PTPRQ: variants seen among roughly 807,000 people sequenced by gnomAD.
PTPRQ encodes the protein phosphatidylinositol phosphatase PTPRQ.
Under a neutral mutation model 246.0 loss-of-function variants are expected in PTPRQ, and 199 were observed. The observed-to-expected ratio is 0.81, with a 90% CI of 0.72 to 0.91. PTPRQ has a LOEUF of 0.91. Among genes scored for constraint, PTPRQ ranks in the 40% least tolerant of loss-of-function variants. The probability of loss-of-function intolerance (pLI) is 0.00; values close to 1 mark genes in which losing one functional copy is unlikely to be tolerated. For missense variants in PTPRQ, 2,624 were observed against 2,528.4 expected, an observed-to-expected ratio of 1.04 and a Z score of -0.81; for synonymous variants, 869 against 853.2, an observed-to-expected ratio of 1.02 and a Z score of -0.32.
intron 9 of PTPRQ, among the ~76,000 whole-genome samples, chr12:80,489,775 TA>T (rs1477589270): frequency 1.3e-5 from 2 of 151,968 alleles, no homozygotes; most frequent in East Asian, 1.9e-4. Context: ...GACTGAAGTC[TA>T]AAAAACCCTG....
intron 42 of PTPRQ, among the ~76,000 whole-genome samples, chr12:80,672,066 A>G (rs1336664299): frequency 2.0e-5 from 3 of 151,958 alleles, no homozygotes; most frequent in Non-Finnish European, 2.9e-5. Flanking sequence ...TATCAGAGAA[A>G]TTTTGTCTGC....
intron 16 of PTPRQ, among the ~76,000 whole-genome samples, chr12:80,508,113 A>T (rs1895019209): frequency 6.6e-6 from 1 of 151,978 alleles, no homozygotes; most frequent in African/African-American, 2.4e-5. Flanking sequence ...CTGGGCTGTT[A>T]AAAATATGCT....
chr12:80,675,103 T>C (rs563173496), intron 43 of PTPRQ, among the ~76,000 whole-genome samples: 4 of 152,252 alleles, frequency 2.6e-5, no homozygotes, highest in African/African-American at 9.6e-5. Flanking sequence ...GAGTTAAATG[T>C]CACCCTTCCC....
At chr12:80,489,970 G>C (rs1894393942) in intron 9 of PTPRQ, among the ~76,000 whole-genome samples, 1 of 145,160 alleles carries the variant, frequency 6.9e-6, no homozygotes, top group African/African-American at 2.5e-5. Flanking sequence ...ATCAACGTTT[G>C]TCACTGGTGA....
intron 35 of PTPRQ, among the ~76,000 whole-genome samples, chr12:80,639,460 A>C (rs1230079255): frequency 6.6e-6 from 1 of 152,130 alleles, no homozygotes; most frequent in Non-Finnish European, 1.5e-5. Flanking sequence ...AGTTGAGTGA[A>C]TGTAATGGCA....
At chr12:80,518,784 T>C (rs1309113432) in intron 17 of PTPRQ, among the ~76,000 whole-genome samples, 1 of 152,174 alleles carries the variant, frequency 6.6e-6, no homozygotes. Context: ...ATGAGTTCAT[T>C]GTAGGTATGT....
At chr12:80,448,083 T>A (rs1892608048) in intron 3 of PTPRQ, among the ~76,000 whole-genome samples, 3 of 152,126 alleles carry the variant, frequency 2.0e-5, no homozygotes, top group Admixed American at 6.5e-5. Flanking sequence ...GTCTTGTAGT[T>A]CTCCTTGTAA....
intron 14 of PTPRQ, 124 bp downstream of exon 14, chr12:80,496,655 C>A (rs1187164651): frequency 1.3e-5 from 15 of 1,174,900 alleles, no homozygotes; most frequent in Non-Finnish European, 3.4e-6. Context: ...TTTATATAAT[C>A]CAGAAATTAA....
At chr12:80,677,461 G>T (rs1901182093) in intron 43 of PTPRQ, among the ~76,000 whole-genome samples, 1 of 152,104 alleles carries the variant, frequency 6.6e-6, no homozygotes, top group African/African-American at 2.4e-5. Context: ...AATTACATCT[G>T]CCCTTAAATG....
At chr12:80,655,764 T>C (rs1900412563) in intron 38 of PTPRQ, among the ~76,000 whole-genome samples, 1 of 152,216 alleles carries the variant, frequency 6.6e-6, no homozygotes, top group Non-Finnish European at 1.5e-5. Flanking sequence ...GATTTCATTT[T>C]AATAGAATTT....
At chr12:80,520,370 A>T (rs973597835) in intron 17 of PTPRQ, among the ~76,000 whole-genome samples, 2 of 152,146 alleles carry the variant, frequency 1.3e-5, no homozygotes, top group African/African-American at 4.8e-5. Flanking sequence ...ACAATTTTTT[A>T]AAATTATACT....
Position 80,588,129 on chromosome 12 carries a change from T to A in PTPRQ, c.4286T>A (p.Val1429Asp), listed in dbSNP as rs1369064112. 18 of 1,510,620 alleles carry A rather than the reference T, an allele frequency of 1.2e-5. No homozygotes were observed. Among genetic ancestry groups the A allele is most frequent in the African/African-American group, 2.8e-5 (2 of 71,074 alleles). The allele number at this position is 1,510,620 out of a possible 1,614,324, so 93.6% of individuals were successfully genotyped here. The change falls in exon 26 of 45, where the codon GTT becomes GAT. Residue 1429 changes from valine (V) to aspartate (D), a missense_variant and splice_region_variant. Transcript: ENST00000644991. The part of the protein sequence containing the change: ...TCHVSTLPET[V>D]PSVPTNIAFS... Reference sequence around the variant, plus strand: ...TTTAATTTTTCCCTTTAATTTTTAGTTCCCAGTGTTCCCACAAATATTGCT... The same window carrying A: ...TTTAATTTTTCCCTTTAATTTTTAGATCCCAGTGTTCCCACAAATATTGCT...
At position 80,613,850 on chromosome 12, in the gene PTPRQ, G is replaced by C. The variant is rs1003225624; in HGVS notation, c.5163+14G>C. ...TACAATATCAGTGTAAGAATCCGTA[G>C]CTTCAGTTAATTACCCAAATGACAA... On this transcript the variant is annotated intron_variant, in intron 29 of 44. Transcript: ENST00000644991. 6.8e-7 allele frequency: 1 copy of C among 1,476,354 alleles called. No homozygotes were observed. The highest frequency in any genetic ancestry group is 1.4e-5 in the African/African-American group (1 of 69,006). 91.5% of individuals were successfully genotyped at this position (1,476,354 alleles called of 1,614,324 possible).
intron 25 of PTPRQ, among the ~76,000 whole-genome samples, chr12:80,550,272 A>G (rs1475612038): frequency 1.3e-5 from 2 of 152,092 alleles, no homozygotes; most frequent in African/African-American, 4.8e-5. Context: ...GTATCATAAT[A>G]TCCTTCATCC....
chr12:80,481,298 G>C (rs1056856140), intron 8 of PTPRQ, among the ~76,000 whole-genome samples: 3 of 152,162 alleles, frequency 2.0e-5, no homozygotes, highest in African/African-American at 7.2e-5. Context: ...AATAGATGCA[G>C]AAAAGGCCTT....
intron 9 of PTPRQ, among the ~76,000 whole-genome samples, chr12:80,486,136 T>C (rs1057393415): frequency 2.0e-5 from 3 of 152,138 alleles, no homozygotes; most frequent in African/African-American, 7.2e-5. Context: ...TATAAGTCCC[T>C]ATAACAAAGG....
At chr12:80,661,900 A>T (rs968535605) in intron 39 of PTPRQ, among the ~76,000 whole-genome samples, 2 of 151,872 alleles carry the variant, frequency 1.3e-5, no homozygotes, top group Non-Finnish European at 2.9e-5. Flanking sequence ...TGTGCAAGAA[A>T]ATAATGATTA....
At chr12:80,539,648 G>T in intron 19 of PTPRQ, 128 bp from the exon 20 acceptor site, 1 of 750,210 alleles carries the variant, frequency 1.3e-6, no homozygotes, top group Non-Finnish European at 1.9e-6. Context: ...GTTCTATGTC[G>T]ATTTTCCTAA....
At chr12:80,647,343 G>A (rs1372315304) in intron 35 of PTPRQ, among the ~76,000 whole-genome samples, 1 of 152,072 alleles carries the variant, frequency 6.6e-6, no homozygotes. Flanking sequence ...GGTAATCAAA[G>A]CATCTCAGTC....
Sources: gnomAD v4.1 joint callset for allele counts (sites outside exome capture counted in the v4.1 genomes callset) on GRCh38, gnomAD v4.1.1 for gene constraint, MANE v1.5 for transcripts, NCBI Gene and HGNC (gene_info 2026-07-23, HGNC 2026-07-21) for gene names.